KCNK10: variants seen among roughly 807,000 people sequenced by gnomAD.
KCNK10 encodes the protein potassium channel subfamily K member 10.
A neutral mutation model predicts 47.7 loss-of-function variants in KCNK10; 25 were observed. The ratio of observed to expected loss-of-function variants is 0.52; its 90% CI spans 0.38 to 0.73. The LOEUF (loss-of-function observed/expected upper bound fraction) is 0.73, where lower values mean the gene tolerates loss of function less well. Ranked by LOEUF, KCNK10 falls within the 30% of genes least tolerant of loss-of-function variation. KCNK10 has a pLI of 0.00. For missense variants in KCNK10, 563 were observed against 714.5 expected, an observed-to-expected ratio of 0.79 and a Z score of 2.42; for synonymous variants, 303 against 285.6, an observed-to-expected ratio of 1.06 and a Z score of -0.61.
In KCNK10 at chr14:88,263,447, G is replaced by A. The variant is rs141243339; in HGVS notation, c.157C>T (p.Arg53Ter). The change falls in exon 2 of 7, where the codon CGA becomes TGA. Residue 53 changes from arginine to a stop codon, truncating the protein, a stop_gained. Coordinates refer to ENST00000319231, the MANE Select transcript of KCNK10 (RefSeq NM_138317.3). LOFTEE classifies it high-confidence loss of function. ...TCCATCCTGGCTACCACTGTGGCTC[G>A]GGAGGAAATGGACAGGCGCGGAGTT... ...TPTPRLSISS[R>*]ATVVARMEGT... is the part of the protein sequence containing the mutation. The A allele has an allele frequency of 7.2e-5, 116 of 1,614,004 alleles. No individual in the cohort carries two copies. Among genetic ancestry groups the A allele is most frequent in the Admixed American group, 2.3e-4 (14 of 60,014 alleles).
chr14:88,290,028 G>T (rs1040208965), intron 1 of KCNK10, among the ~76,000 whole-genome samples: 1 of 152,210 alleles, frequency 6.6e-6, no homozygotes, highest in Non-Finnish European at 1.5e-5. Context: ...GGTAGGATCA[G>T]CAGGATAATG....
chr14:88,284,574 A>C lies in KCNK10; in HGVS notation c.53-21023T>G, dbSNP rs372858054. 9.8e-5 allele frequency among the ~76,000 whole-genome samples: 15 copies of C among 152,288 alleles called. No individual in the cohort carries two copies. The East Asian group carries it at 2.5e-3, about 26-fold the overall frequency. Reference sequence around the variant, plus strand: ...GTAAGTCCAAGAGTCCAAAAGCTAAACAACTTGGAGTCTGATGTTGGAGGG... The same window carrying C: ...GTAAGTCCAAGAGTCCAAAAGCTAACCAACTTGGAGTCTGATGTTGGAGGG... On this transcript the variant is annotated intron_variant, in intron 1 of 6. Coordinates refer to ENST00000319231, the MANE Select transcript of KCNK10 (RefSeq NM_138317.3).
At chr14:88,269,114 G>T (rs934612490) in intron 1 of KCNK10, among the ~76,000 whole-genome samples, 3 of 152,138 alleles carry the variant, frequency 2.0e-5, no homozygotes, top group African/African-American at 7.2e-5. Context: ...CTCCAGCCTG[G>T]GTGACAAGAG....
chr14:88,287,741 C>A (rs1887797505), intron 1 of KCNK10, among the ~76,000 whole-genome samples: 1 of 148,246 alleles, frequency 6.7e-6, no homozygotes, highest in South Asian at 2.1e-4. Context: ...ATTTCTTCAT[C>A]CACTCATTGA....
At chr14:88,309,746 C>T (rs1312691186) in intron 1 of KCNK10, among the ~76,000 whole-genome samples, 2 of 152,196 alleles carry the variant, frequency 1.3e-5, no homozygotes, top group Non-Finnish European at 2.9e-5. Flanking sequence ...TGGGCAAGCA[C>T]AAGTCACTTC....
At position 88,185,233 on chromosome 14, in the gene KCNK10, G is replaced by C; in HGVS notation, c.*302C>G. 2.9e-6 allele frequency: 1 copy of C among 339,382 alleles called. No individual in the cohort carries two copies. Among genetic ancestry groups the C allele is most frequent in the South Asian group, 3.7e-5 (1 of 27,396 alleles). The allele number at this position is 339,382 out of a possible 1,614,324, so 21.0% of individuals were successfully genotyped here. On this transcript the variant is annotated 3_prime_UTR_variant, in exon 7 of 7. Transcript: ENST00000319231. The surrounding 1 kb of genome is among the most constrained non-coding windows in gnomAD (Gnocchi z 4.3). ...TGCCCTTGTCTACGTGTGTGCCCAG[G>C]TAGCACTGCCCAGGGGTACAGCACT... is the stretch of plus-strand genomic sequence containing the variant.
intron 4 of KCNK10, among the ~76,000 whole-genome samples, chr14:88,207,611 C>T (rs1436561171): frequency 6.6e-6 from 1 of 152,160 alleles, no homozygotes; most frequent in Non-Finnish European, 1.5e-5. Flanking sequence ...GGGACCTAGT[C>T]CAGCTTCAAG....
chr14:88,311,799 AGT>A (rs916335363), intron 1 of KCNK10, among the ~76,000 whole-genome samples: 3 of 151,196 alleles, frequency 2.0e-5, no homozygotes, highest in African/African-American at 7.3e-5. Context: ...TAAAATCACC[AGT>A]GTAGAAACCA....
chr14:88,269,261 T>C (rs1284226913), intron 1 of KCNK10, among the ~76,000 whole-genome samples: 1 of 152,230 alleles, frequency 6.6e-6, no homozygotes, highest in Non-Finnish European at 1.5e-5. Context: ...TATTCAGGCT[T>C]TCTCAAGCCC....
rs779138363 is a variant in KCNK10 at position 88,227,531 on chromosome 14, A to G, written c.525T>C (p.Tyr175=). 1 of 1,597,192 alleles carries G rather than the reference A, an allele frequency of 6.3e-7. No individual in the cohort carries two copies. The highest frequency in any genetic ancestry group is 1.1e-5 in the South Asian group (1 of 87,614). ...CTTCAGTGCTCGGAGCAATATTCCC[A>G]TACCCTGGTGAGAAATATGAAAAAG... ...FAGTVITTIG[Y]GNIAPSTEGG... Residue 175 remains tyrosine (Y), a synonymous_variant, in exon 4 of 7, where the codon TAT becomes TAC. Coordinates refer to ENST00000319231, the MANE Select transcript of KCNK10 (RefSeq NM_138317.3).
Position 88,322,768 on chromosome 14 carries a change from G to A in KCNK10, c.31C>T (p.Gln11Ter). The A allele has an allele frequency of 6.2e-7, 1 of 1,614,152 alleles. No individual in the cohort carries two copies. Among genetic ancestry groups the A allele is most frequent in the Non-Finnish European group, 8.5e-7 (1 of 1,180,022 alleles). The change falls in exon 1 of 7, where the codon CAG (glutamine) becomes TAG (stop). Residue 11 changes from glutamine (Q) to a stop codon, truncating the protein, a stop_gained. Coordinates refer to ENST00000319231, the MANE Select transcript of KCNK10 (RefSeq NM_138317.3). LOFTEE classifies it high-confidence loss of function. This position sits in a 1 kb window ranked among gnomAD's most constrained non-coding sequence, Gnocchi z 4.8. ...CCACCTTTAGGATCCCAGTTCACCT[G>A]TTTTCTTGGCGTCTCGATTGGAAAT... MKFPIETPRK[Q>*]VNWDPKVAVP...
intron 1 of KCNK10, among the ~76,000 whole-genome samples, chr14:88,293,771 G>A (rs1423599956): frequency 6.6e-6 from 1 of 151,888 alleles, no homozygotes; most frequent in Non-Finnish European, 1.5e-5. Context: ...GAACTCCTGG[G>A]CTGAAGCGAT....
At chr14:88,231,122 T>A (rs35604159) in intron 3 of KCNK10, among the ~76,000 whole-genome samples, 42,886 of 149,308 alleles carry the variant, frequency 0.29, 6,724 homozygotes, top group East Asian at 0.46. Flanking sequence ...AAAAAAAAAA[T>A]TTTTTTAATT....
intron 4 of KCNK10, among the ~76,000 whole-genome samples, chr14:88,203,614 A>G (rs950701963): frequency 4.6e-5 from 7 of 152,210 alleles, no homozygotes; most frequent in African/African-American, 1.7e-4. Context: ...AGCTGGTGTC[A>G]GCTGCAGTTT....
intron 4 of KCNK10, among the ~76,000 whole-genome samples, chr14:88,220,372 G>A (rs1384634605): frequency 8.3e-5 from 10 of 121,126 alleles, no homozygotes; most frequent in Non-Finnish European, 1.3e-4. Flanking sequence ...AGCCGAGATC[G>A]TGCCACTGCA....
At chr14:88,282,615 A>C (rs1014565699) in intron 1 of KCNK10, among the ~76,000 whole-genome samples, 3 of 152,182 alleles carry the variant, frequency 2.0e-5, no homozygotes, top group African/African-American at 7.2e-5. Flanking sequence ...ACTGGCATGA[A>C]GGGAACTACA....
At chr14:88,324,062 C>A (rs1888611712), upstream of KCNK10, among the ~76,000 whole-genome samples, 3 of 152,222 alleles carry the variant, frequency 2.0e-5, no homozygotes, top group Non-Finnish European at 4.4e-5. Flanking sequence ...TGGTCGTTGG[C>A]TGGAAAGGAG....
chr14:88,223,308 C>CTT (rs77234836), intron 4 of KCNK10, among the ~76,000 whole-genome samples: 86 of 135,066 alleles, frequency 6.4e-4, no homozygotes, highest in East Asian at 1.5e-3. Context: ...CTTTAAAAAC[C>CTT]TTTTTTTTTT....
At chr14:88,198,911 T>TTTTATTTTATTTTATTTTA (rs1885010392) in intron 4 of KCNK10, among the ~76,000 whole-genome samples, 3 of 148,192 alleles carry the variant, frequency 2.0e-5, no homozygotes, top group Non-Finnish European at 4.4e-5. Context: ...TTTTATTTTA[T>TTTTATTTTATTTTATTTTA]TTTATTTTAT....
Sources: gnomAD v4.1 joint callset for allele counts (sites outside exome capture counted in the v4.1 genomes callset) on GRCh38, gnomAD v4.1.1 for gene constraint, Gnocchi (gnomAD v3.1) non-coding constraint, MANE v1.5 for transcripts, NCBI Gene and HGNC (gene_info 2026-07-23, HGNC 2026-07-21) for gene names.